TBL3: variants seen among roughly 807,000 people sequenced by gnomAD.
The protein encoded by TBL3 is transducin beta like 3, also known as transducin beta-like protein 3.
Under a neutral mutation model 102.7 loss-of-function variants are expected in TBL3, and 71 were observed. The observed-to-expected ratio is 0.69, with a 90% confidence interval of 0.57 to 0.84. The LOEUF (loss-of-function observed/expected upper bound fraction) is 0.84, where lower values mean the gene tolerates loss of function less well. Ranked by LOEUF, TBL3 falls within the 40% of genes least tolerant of loss-of-function variation. The pLI, the probability that TBL3 is intolerant of heterozygous loss-of-function variation, is 0.00. For missense variants in TBL3, 1,188 were observed against 1,098.5 expected, an observed-to-expected ratio of 1.08 and a Z score of -1.15; for synonymous variants, 578 against 477.7, an observed-to-expected ratio of 1.21 and a Z score of -2.74.
chr16:1,976,356 A>G (rs1232524478), intron 13 of TBL3, 42 bp downstream of exon 13: 1 of 1,556,110 alleles, frequency 6.4e-7, no homozygotes, highest in Non-Finnish European at 8.8e-7. Context: ...AGGGAGGTGG[A>G]GGCCCAGGCC....
In TBL3 at chr16:1,981,101, A is replaced by G; in HGVS notation, c.*2416A>G. 6.2e-7 allele frequency: 1 copy of G among 1,612,996 alleles called. No homozygotes were observed. The highest frequency in any genetic ancestry group is 8.5e-7 in the Non-Finnish European group (1 of 1,179,544). On this transcript the variant is annotated 3_prime_UTR_variant, in exon 22 of 22. Coordinates refer to ENST00000568546, the MANE Select transcript of TBL3 (RefSeq NM_006453.3). ...TATCCCTTGGGGCCACTAAGGACCC[A>G]GCCAGGTCTTACTTGGAGCCTCTTG...
chr16:1,974,182 C>G lies in TBL3; in HGVS notation c.94-15C>G. On this transcript the variant is annotated splice_polypyrimidine_tract_variant and intron_variant, in intron 2 of 21. Coordinates refer to ENST00000568546, the MANE Select transcript of TBL3 (RefSeq NM_006453.3). ...GGTGCTGAATGTTGCCTGGCTGAGA[C>G]CTCTCTGTCCCCAGCTGGACCAGAC... 6.4e-7 allele frequency: 1 copy of G among 1,567,676 alleles called. No homozygotes were observed. Among genetic ancestry groups the G allele is most frequent in the South Asian group, 1.2e-5 (1 of 85,754 alleles).
intron 10 of TBL3, 25 bp from the exon 11 acceptor site, chr16:1,975,783 T>C (rs770396693): frequency 1.2e-6 from 2 of 1,614,004 alleles, no homozygotes; most frequent in Non-Finnish European, 1.7e-6. Flanking sequence ...CTGGCTCACA[T>C]CTCCTGCTCC....
chr16:1,974,917 T>C lies in TBL3; in HGVS notation c.465-11T>C, dbSNP rs1389528467. 2 of 1,611,846 alleles carry C rather than the reference T, an allele frequency of 1.2e-6. No homozygotes were observed. Among genetic ancestry groups the C allele is most frequent in the Non-Finnish European group, 1.7e-6 (2 of 1,179,744 alleles). On this transcript the variant is annotated splice_polypyrimidine_tract_variant and intron_variant, in intron 6 of 21. Transcript: ENST00000568546. ...TGCACAGCTCACCCATCCTGTCCCG[T>C]CCGCCCACAGCCTAGTGGCCTTCCA... is the stretch of plus-strand genomic sequence containing the variant.
chr16:1,974,312 G>C lies in TBL3; in HGVS notation c.189+20G>C, dbSNP rs778628753. The C allele has an allele frequency of 1.3e-6, 2 of 1,583,688 alleles. No individual in the cohort carries two copies. The highest frequency in any genetic ancestry group is 1.7e-6 in the Non-Finnish European group (2 of 1,162,054). ...GAGCAGGTGAGGGCAGCCTGGGTGG[G>C]TGAGGGGCAAGTGGAGAGGGCAGCC... On this transcript the variant is annotated intron_variant, in intron 3 of 21. Coordinates refer to ENST00000568546, the MANE Select transcript of TBL3 (RefSeq NM_006453.3).
Position 1,977,080 on chromosome 16 carries a change from C to G in TBL3, c.1467C>G (p.Pro489=). The change falls in exon 15 of 22, where the codon CCC becomes CCG. Residue 489 remains proline, a synonymous_variant. Transcript: ENST00000568546. The part of the protein sequence containing the change: ...DKDINSVAIA[P]NDKLLATGSQ... ...ACATCAACAGCGTGGCTATTGCCCCCAACGACAAGCTGCTGGCCACAGGCT... is the reference window on the plus strand; with the variant it reads ...ACATCAACAGCGTGGCTATTGCCCCGAACGACAAGCTGCTGGCCACAGGCT... The G allele has an allele frequency of 1.2e-6, 2 of 1,613,302 alleles. No homozygotes were observed. Among genetic ancestry groups the G allele is most frequent in the South Asian group, 2.2e-5 (2 of 91,084 alleles).
chr16:1,973,953 C>A, intron 1 of TBL3, 103 bp from the exon 2 acceptor site: 1 of 1,273,876 alleles, frequency 7.9e-7, no homozygotes, highest in Non-Finnish European at 1.0e-6. Context: ...AACTCAAGGG[C>A]AGGGGCCATT....
At position 1,980,293 on chromosome 16, in the gene TBL3, T is replaced by C; in HGVS notation, c.*1608T>C. 6.5e-7 allele frequency: 1 copy of C among 1,528,702 alleles called. No homozygotes were observed. Among genetic ancestry groups the C allele is most frequent in the Non-Finnish European group, 8.8e-7 (1 of 1,139,362 alleles). The allele number at this position is 1,528,702 out of a possible 1,614,324, so 94.7% of individuals were successfully genotyped here. ...CCACTCTCTGCCCCTATTCGCTGGCTGTTCCCCCCCACCCTGGACCTCTCC... is the reference window on the plus strand; with the variant it reads ...CCACTCTCTGCCCCTATTCGCTGGCCGTTCCCCCCCACCCTGGACCTCTCC... On this transcript the variant is annotated 3_prime_UTR_variant, in exon 22 of 22. Coordinates refer to ENST00000568546, the MANE Select transcript of TBL3 (RefSeq NM_006453.3).
rs1331924436 is a variant in TBL3, at chr16:1,976,297, C to T, written c.1275C>T (p.Gly425=). 1 of 1,613,590 alleles carries T rather than the reference C, an allele frequency of 6.2e-7. No homozygotes were observed. The highest frequency in any genetic ancestry group is 1.3e-5 in the African/African-American group (1 of 75,046). The stretch of plus-strand genomic sequence containing the variant: ...GTTCCGGTCACACACACAGTGTGGG[C>T]ACCGTCTGCTGCTCTAGGTAGTGAG... ...AQGSGHTHSV[G]TVCCSRLKES... Residue 425 remains glycine, a synonymous_variant, in exon 13 of 22, where the codon GGC becomes GGT. Coordinates refer to ENST00000568546, the MANE Select transcript of TBL3 (RefSeq NM_006453.3).
intron 13 of TBL3, among the ~76,000 whole-genome samples, chr16:1,976,521 AG>A (rs1350585590): frequency 6.6e-6 from 1 of 152,178 alleles, no homozygotes; most frequent in Non-Finnish European, 1.5e-5. Context: ...AAGTGGTTAA[AG>A]GGGGAAGGGC....
chr16:1,981,157 A>C lies in TBL3; in HGVS notation c.*2472A>C. 2 of 1,613,432 alleles carry C rather than the reference A, an allele frequency of 1.2e-6. No individual in the cohort carries two copies. Among genetic ancestry groups the C allele is most frequent in the Non-Finnish European group, 1.7e-6 (2 of 1,179,980 alleles). The stretch of plus-strand genomic sequence containing the variant: ...CACCAGGGCTGCCCCTTGCACTGAA[A>C]CTGGGTATCGGGGGCCTGCCATGGC... On this transcript the variant is annotated 3_prime_UTR_variant, in exon 22 of 22. Coordinates refer to ENST00000568546, the MANE Select transcript of TBL3 (RefSeq NM_006453.3).
At position 1,980,432 on chromosome 16, in the gene TBL3, G is replaced by C. The variant is rs756868068; in HGVS notation, c.*1747G>C. On this transcript the variant is annotated 3_prime_UTR_variant, in exon 22 of 22. Coordinates refer to ENST00000568546, the MANE Select transcript of TBL3 (RefSeq NM_006453.3). ...GTGCGAAGAAGCCAGTGATCGTCGG[G>C]CTCCGTGCCACGCGCTCTGCAGTCG... 54 of 1,602,268 alleles carry C rather than the reference G, an allele frequency of 3.4e-5. No homozygotes were observed. In the South Asian group the frequency reaches 5.7e-4, roughly 17 times the overall value.
chr16:1,977,567 G>C lies in TBL3; in HGVS notation c.1796G>C (p.Arg599Pro). The C allele has an allele frequency of 6.3e-7, 1 of 1,589,500 alleles. No individual in the cohort carries two copies. The highest frequency in any genetic ancestry group is 8.6e-7 in the Non-Finnish European group (1 of 1,167,180). The change falls in exon 17 of 22, where the codon CGG becomes CCG. Residue 599 changes from arginine (R) to proline (P), a missense_variant. Arg to Pro is a moderately radical substitution (Grantham distance 103). Coordinates refer to ENST00000568546, the MANE Select transcript of TBL3 (RefSeq NM_006453.3). ...LWTIKNNECV[R>P]TLDAHEDKVW... ...ACCATCAAGAACAACGAGTGTGTGCGGACGCTGGATGCCCACGAGGACAAG... is the reference window on the plus strand; with the variant it reads ...ACCATCAAGAACAACGAGTGTGTGCCGACGCTGGATGCCCACGAGGACAAG...
chr16:1,978,259 G>A (rs776246155), intron 20 of TBL3, 39 bp downstream of exon 20: 1 of 1,612,270 alleles, frequency 6.2e-7, no homozygotes, highest in Admixed American at 1.7e-5. Flanking sequence ...GGTGGGCAAG[G>A]GCCAGTCATG....
chr16:1,977,751 G>A lies in TBL3; in HGVS notation c.1909G>A (p.Glu637Lys), dbSNP rs200275880. ...CCTAGTCTAACCCCAGGATGTGACC[G>A]AGGCGGAGCAGGCAGAGGAGCAGGC... ...SRVILWKDVT[E>K]AEQAEEQARQ... The change falls in exon 18 of 22, where the codon GAG becomes AAG. Residue 637 changes from glutamate to lysine, a missense_variant. By Grantham distance (56) the Glu-to-Lys change is moderately conservative. Transcript: ENST00000568546. The A allele has an allele frequency of 1.7e-5, 27 of 1,554,648 alleles. No homozygotes were observed. The highest frequency in any genetic ancestry group is 5.8e-5 in the Admixed American group (3 of 51,296).
rs1222122616 is a variant in TBL3 at position 1,976,835 on chromosome 16, G to T, written c.1314G>T (p.Val438=). The T allele has an allele frequency of 1.2e-6, 2 of 1,613,700 alleles. No homozygotes were observed. Among genetic ancestry groups the T allele is most frequent in the East Asian group, 4.5e-5 (2 of 44,884 alleles). The change falls in exon 14 of 22, where the codon GTG becomes GTT. Residue 438 remains valine, a synonymous_variant. Transcript: ENST00000568546. ...CCSRLKESFL[V]TGSQDCTVKL... is the part of the protein sequence containing the mutation. ...ACAGGCTGAAGGAGTCCTTCCTGGTGACAGGCAGCCAGGACTGCACTGTGA... is the reference window on the plus strand; with the variant it reads ...ACAGGCTGAAGGAGTCCTTCCTGGTTACAGGCAGCCAGGACTGCACTGTGA...
chr16:1,976,482 G>A (rs532536916), intron 13 of TBL3, among the ~76,000 whole-genome samples, 168 bp downstream of exon 13: 2 of 152,314 alleles, frequency 1.3e-5, no homozygotes, highest in Admixed American at 6.5e-5. Flanking sequence ...TAGGTGCCTC[G>A]GGGTCAGTCC....
rs141442868 is a variant in TBL3, at chr16:1,974,271, C to T, written c.168C>T (p.Ala56=). The change falls in exon 3 of 22, where the codon GCC becomes GCT. Residue 56 remains alanine (A), a synonymous_variant. Coordinates refer to ENST00000568546, the MANE Select transcript of TBL3 (RefSeq NM_006453.3). The part of the protein sequence containing the change: ...RVNILEVASG[A]VLRSLEQEDQ... ...ACATTCTGGAAGTGGCCTCGGGGGC[C>T]GTGCTGCGGAGTCTGGAGCAGGTGA... is the stretch of plus-strand genomic sequence containing the variant. 160 of 1,598,840 alleles carry T rather than the reference C, an allele frequency of 1.0e-4. No individual in the cohort carries two copies. In the African/African-American group the frequency reaches 1.5e-3, roughly 15 times the overall value.
Position 1,977,890 on chromosome 16 carries a change from T to C in TBL3, c.1959-68T>C, listed in dbSNP as rs573377537. On this transcript the variant is annotated intron_variant, in intron 18 of 21. Coordinates refer to ENST00000568546, the MANE Select transcript of TBL3 (RefSeq NM_006453.3). ...GCTGAGTGCCAGGCTCCCTGCCTGCTGACTCCGATGGCTCTGCCTGCAGCC... is the reference window on the plus strand; with the variant it reads ...GCTGAGTGCCAGGCTCCCTGCCTGCCGACTCCGATGGCTCTGCCTGCAGCC... 6 of 1,596,078 alleles carry C rather than the reference T, an allele frequency of 3.8e-6. No individual in the cohort carries two copies. The African/African-American group carries it at 8.0e-5, about 21-fold the overall frequency.
Sources: gnomAD v4.1 joint callset for allele counts (sites outside exome capture counted in the v4.1 genomes callset) on GRCh38, gnomAD v4.1.1 for gene constraint, MANE v1.5 for transcripts, NCBI Gene and HGNC (gene_info 2026-07-23, HGNC 2026-07-21) for gene names.